Variants in SEMA3E observed in about 807,000 individuals in gnomAD.
SEMA3E encodes semaphorin 3E.
SEMA3E carries 49 observed loss-of-function variants against 93.6 expected under a neutral mutation model. The ratio of observed to expected loss-of-function variants is 0.52; its 90% confidence interval spans 0.42 to 0.66. SEMA3E has a LOEUF of 0.66. Among genes scored for constraint, SEMA3E ranks in the 30% least tolerant of loss-of-function variants. The probability of loss-of-function intolerance (pLI) is 0.00; values close to 1 mark genes in which losing one functional copy is unlikely to be tolerated. For synonymous variants in SEMA3E, 363 were observed against 330.7 expected, an observed-to-expected ratio of 1.10 and a Z score of -1.06; for missense variants, 906 against 964.8, an observed-to-expected ratio of 0.94 and a Z score of 0.81.
At chr7:83,639,333 A>G (rs891873584) in intron 1 of SEMA3E, among the ~76,000 whole-genome samples, 6 of 151,966 alleles carry the variant, frequency 3.9e-5, no homozygotes, top group African/African-American at 1.4e-4. Flanking sequence ...GTGCAATGTA[A>G]TTCAATCAAG....
chr7:83,644,053 C>T (rs1423016942), intron 1 of SEMA3E, among the ~76,000 whole-genome samples: 1 of 151,934 alleles, frequency 6.6e-6, no homozygotes, highest in Non-Finnish European at 1.5e-5. Flanking sequence ...ATACCATGGC[C>T]TCCAGAATGA....
chr7:83,469,096 T>G lies in SEMA3E; in HGVS notation c.336+147A>C, dbSNP rs143210340. 2.6e-3 allele frequency: 1,616 copies of G among 616,890 alleles called. 27 individuals are homozygous for G. In the African/African-American group the frequency reaches 0.027, roughly 10 times the overall value. The allele number at this position is 616,890 out of a possible 1,614,324, so 38.2% of individuals were successfully genotyped here. A position where few individuals can be genotyped will look rare whatever the true frequency, so the allele number is the denominator to read the frequency against. ...TTGAAATTAATTTTACATAATTATG[T>G]TTTATATGCCTATATATTTTTTCTT... On this transcript the variant is annotated intron_variant, in intron 3 of 16. Transcript: ENST00000643230.
chr7:83,600,486 ATTTTTTTTTTTTTTTTTT>A (rs71522671), intron 1 of SEMA3E, among the ~76,000 whole-genome samples: 13 of 63,080 alleles, frequency 2.1e-4, no homozygotes, highest in South Asian at 1.3e-3. Context: ...CGCCCAGCTA[ATTTTTTTTTTTTTTTTTT>A]TTTTTTTTTT....
chr7:83,443,101 A>G (rs1390563435), intron 4 of SEMA3E, among the ~76,000 whole-genome samples: 1 of 152,224 alleles, frequency 6.6e-6, no homozygotes, highest in Non-Finnish European at 1.5e-5. Flanking sequence ...TGATAAGAAT[A>G]GAATAAAGCT....
chr7:83,508,618 A>C (rs941394085), intron 1 of SEMA3E, among the ~76,000 whole-genome samples: 3 of 152,150 alleles, frequency 2.0e-5, no homozygotes, highest in African/African-American at 7.2e-5. Flanking sequence ...TCCTTCTATA[A>C]AATCAATTAT....
intron 1 of SEMA3E, among the ~76,000 whole-genome samples, chr7:83,583,501 G>A (rs1584346143): frequency 6.6e-6 from 1 of 152,132 alleles, no homozygotes; most frequent in East Asian, 1.9e-4. Context: ...AGCAGATTCT[G>A]CTTTTTATCT....
intron 1 of SEMA3E, among the ~76,000 whole-genome samples, chr7:83,617,338 C>T (rs184102321): frequency 9.7e-4 from 145 of 149,842 alleles, no homozygotes; most frequent in Non-Finnish European, 1.2e-3. Context: ...ACTAACCCCA[C>T]CAAATATTTT....
At chr7:83,369,593 A>G (rs927521560) in intron 16 of SEMA3E, among the ~76,000 whole-genome samples, 8 of 152,154 alleles carry the variant, frequency 5.3e-5, no homozygotes, top group African/African-American at 1.9e-4. Flanking sequence ...ACTTGGTGGG[A>G]CCATGTCCTG....
chr7:83,583,671 C>T (rs1321636677), intron 1 of SEMA3E, among the ~76,000 whole-genome samples: 4 of 152,114 alleles, frequency 2.6e-5, no homozygotes, highest in Non-Finnish European at 5.9e-5. Flanking sequence ...TGACATGTGA[C>T]ACAATTCTGA....
chr7:83,507,620 T>G (rs1183535280), intron 1 of SEMA3E, among the ~76,000 whole-genome samples: 2 of 151,476 alleles, frequency 1.3e-5, no homozygotes, highest in Non-Finnish European at 2.9e-5. Context: ...CACTTTGCAA[T>G]AGGGAAAAGA....
chr7:83,460,824 A>T (rs1268877885), intron 4 of SEMA3E, among the ~76,000 whole-genome samples: 1 of 134,982 alleles, frequency 7.4e-6, no homozygotes, highest in Non-Finnish European at 1.6e-5. Context: ...TCTGTGCCCC[A>T]ACCCCTTTTC....
At chr7:83,451,741 T>C (rs1057331455) in intron 4 of SEMA3E, among the ~76,000 whole-genome samples, 9 of 152,234 alleles carry the variant, frequency 5.9e-5, no homozygotes, top group South Asian at 2.1e-4. Context: ...TGTGGGTCCA[T>C]TGAAAATCAC....
intron 1 of SEMA3E, among the ~76,000 whole-genome samples, chr7:83,562,060 A>G (rs1562833530): frequency 6.6e-6 from 1 of 152,210 alleles, no homozygotes; most frequent in Non-Finnish European, 1.5e-5. Flanking sequence ...ATAACCCAGC[A>G]TATTCATAAG....
At chr7:83,400,489 A>C (rs1788217153) in intron 10 of SEMA3E, among the ~76,000 whole-genome samples, 1 of 152,056 alleles carries the variant, frequency 6.6e-6, no homozygotes, top group Admixed American at 6.6e-5. Context: ...TTTGTCACCC[A>C]GGCACTAAGC....
intron 1 of SEMA3E, among the ~76,000 whole-genome samples, chr7:83,548,441 T>C (rs1791694342): frequency 6.6e-6 from 1 of 152,074 alleles, no homozygotes; most frequent in African/African-American, 2.4e-5. Context: ...TTTATCTAAA[T>C]TAAATTATAC....
chr7:83,411,979 G>T (rs1788447012), intron 5 of SEMA3E, among the ~76,000 whole-genome samples: 1 of 152,124 alleles, frequency 6.6e-6, no homozygotes, highest in Admixed American at 6.6e-5. Context: ...TGGAAATCTG[G>T]CAAGCCAAGT....
chr7:83,557,998 G>T (rs1437382840), intron 1 of SEMA3E, among the ~76,000 whole-genome samples: 1 of 152,042 alleles, frequency 6.6e-6, no homozygotes, highest in Non-Finnish European at 1.5e-5. Flanking sequence ...TGATCCAGAA[G>T]GATAAATGTT....
chr7:83,386,986 C>T lies in SEMA3E; in HGVS notation c.1732G>A (p.Val578Ile), dbSNP rs200779956. 6.8e-5 allele frequency: 109 copies of T among 1,613,046 alleles called. No individual in the cohort carries two copies. In the East Asian group the frequency reaches 1.8e-3, roughly 27 times the overall value. ...CAACTGATTTTCTATGGATTACCAA[C>T]AAACTGTTGTCCAAAGCACTGCTGA... ...AAQQCFGQQF[V>I]GDALDKTEEH... The change falls in exon 15 of 17, where the codon GTT becomes ATT. Residue 578 changes from valine to isoleucine, a missense_variant. Coordinates refer to ENST00000643230, the MANE Select transcript of SEMA3E (RefSeq NM_012431.3).
intron 1 of SEMA3E, among the ~76,000 whole-genome samples, chr7:83,570,558 A>AAAAAAAAC: frequency 6.9e-6 from 1 of 145,200 alleles, no homozygotes; most frequent in African/African-American, 2.6e-5. Context: ...GTCTCAAAAA[A>AAAAAAAAC]AAAAAAAAAA....
Sources: gnomAD v4.1 joint callset for allele counts (sites outside exome capture counted in the v4.1 genomes callset) on GRCh38, gnomAD v4.1.1 for gene constraint, MANE v1.5 for transcripts, NCBI Gene and HGNC (gene_info 2026-07-23, HGNC 2026-07-21) for gene names.